CACNB2: variants seen among roughly 807,000 people sequenced by gnomAD.
CACNB2 encodes the protein calcium voltage-gated channel auxiliary subunit beta 2.
A neutral mutation model predicts 73.3 loss-of-function variants in CACNB2; 42 were observed. That is an observed-to-expected ratio of 0.57 (90% CI 0.45 to 0.74). The LOEUF (loss-of-function observed/expected upper bound fraction) is 0.74, where lower values mean the gene tolerates loss of function less well. Among genes scored for constraint, CACNB2 ranks in the 30% least tolerant of loss-of-function variants. The probability of loss-of-function intolerance (pLI) is 0.00; values close to 1 mark genes in which losing one functional copy is unlikely to be tolerated. For synonymous variants in CACNB2, 348 were observed against 310.3 expected (o/e 1.12, Z -1.28); for missense variants, 940 against 853.0 (o/e 1.10, Z -1.27).
chr10:18,254,491 A>C (rs1316117358), intron 2 of CACNB2, among the ~76,000 whole-genome samples: 1 of 152,130 alleles, frequency 6.6e-6, no homozygotes, highest in Non-Finnish European at 1.5e-5. Flanking sequence ...AAATAAACAA[A>C]TGTTGCCACT....
chr10:18,488,161 C>T (rs759165541), intron 3 of CACNB2, among the ~76,000 whole-genome samples: 3 of 151,374 alleles, frequency 2.0e-5, no homozygotes, highest in East Asian at 2.0e-4. Context: ...AAGAGAGAAA[C>T]GGAAGATCTA....
intron 2 of CACNB2, among the ~76,000 whole-genome samples, chr10:18,379,664 C>T (rs1200206930): frequency 6.6e-6 from 1 of 152,162 alleles, no homozygotes; most frequent in Non-Finnish European, 1.5e-5. Flanking sequence ...TCTCACCACT[C>T]CCCAGCCCCA....
chr10:18,321,712 T>G (rs1158227291), intron 2 of CACNB2, among the ~76,000 whole-genome samples: 1 of 152,218 alleles, frequency 6.6e-6, no homozygotes, highest in Non-Finnish European at 1.5e-5. Flanking sequence ...GCAGTTGGTG[T>G]TTGGTATTTT....
chr10:18,200,694 T>C (rs556672674), intron 2 of CACNB2, among the ~76,000 whole-genome samples: 13 of 152,166 alleles, frequency 8.5e-5, no homozygotes, highest in Non-Finnish European at 1.6e-4. Context: ...TTAGTCTTCT[T>C]ATACCAGATT....
chr10:18,276,914 C>T (rs934394285), intron 2 of CACNB2, among the ~76,000 whole-genome samples: 2 of 152,056 alleles, frequency 1.3e-5, no homozygotes, highest in African/African-American at 4.8e-5. Context: ...GAGTTCAAGA[C>T]CAGACAGGGC....
chr10:18,221,349 T>A (rs1376335798), intron 2 of CACNB2, among the ~76,000 whole-genome samples: 1 of 152,156 alleles, frequency 6.6e-6, no homozygotes, highest in Non-Finnish European at 1.5e-5. Flanking sequence ...CCTATTACTG[T>A]TCTTTCAGAA....
chr10:18,522,318 G>C (rs1328324642), intron 9 of CACNB2, among the ~76,000 whole-genome samples: 1 of 151,990 alleles, frequency 6.6e-6, no homozygotes, highest in Non-Finnish European at 1.5e-5. Context: ...TAATGTGCCT[G>C]AATCATCTCA....
At chr10:18,266,372 T>G (rs2037801811) in intron 2 of CACNB2, among the ~76,000 whole-genome samples, 1 of 152,346 alleles carries the variant, frequency 6.6e-6, no homozygotes, top group Admixed American at 6.5e-5. Context: ...CTTTCCAAGT[T>G]TAAATAATGG....
intron 7 of CACNB2, among the ~76,000 whole-genome samples, chr10:18,518,092 G>GA (rs1386247174): frequency 6.6e-6 from 1 of 152,124 alleles, no homozygotes; most frequent in Admixed American, 6.6e-5. Context: ...CTTTAGGAAC[G>GA]AATAGGTCTG....
rs4601660 is a variant in CACNB2 at position 18,371,789 on chromosome 10, T to G, written c.214-30135T>G. On this transcript the variant is annotated intron_variant, in intron 2 of 13. Coordinates refer to ENST00000324631, the MANE Select transcript of CACNB2 (RefSeq NM_201596.3). ...TGAGGAATCACCACGCTGACTTCCA[T>G]AATGGTTGAACTAGTTTACAGTCCC... Among the ~76,000 whole-genome samples, 581 of 152,316 alleles carry G rather than the reference T, an allele frequency of 3.8e-3. 1 individual carries two copies. The highest frequency in any genetic ancestry group is 0.013 in the African/African-American group (557 of 41,566).
At chr10:18,360,621 A>G (rs1402463530) in intron 2 of CACNB2, among the ~76,000 whole-genome samples, 2 of 152,194 alleles carry the variant, frequency 1.3e-5, no homozygotes, top group South Asian at 2.1e-4. Context: ...TTTATTTCAC[A>G]GAGAAGAAAA....
chr10:18,524,472 A>G (rs1389746122), intron 9 of CACNB2, among the ~76,000 whole-genome samples: 1 of 151,582 alleles, frequency 6.6e-6, no homozygotes, highest in African/African-American at 2.4e-5. Context: ...CCTGGCCAAC[A>G]TGGTGATACC....
At chr10:18,419,225 T>G (rs2045182249) in intron 3 of CACNB2, among the ~76,000 whole-genome samples, 1 of 152,224 alleles carries the variant, frequency 6.6e-6, no homozygotes. Context: ...TGAGTTTAAG[T>G]AGCCTGAGGA....
At chr10:18,259,570 A>AAAAAAAAAAAAAAAAGAAAAC (rs1554779378) in intron 2 of CACNB2, among the ~76,000 whole-genome samples, 6 of 116,988 alleles carry the variant, frequency 5.1e-5, no homozygotes, top group African/African-American at 1.0e-4. Context: ...CAAACAAAAA[A>AAAAAAAAAAAAAAAAGAAAAC]AAAAAGTAAA....
At chr10:18,168,867 G>A (rs140366516) in intron 2 of CACNB2, among the ~76,000 whole-genome samples, 2 of 152,250 alleles carry the variant, frequency 1.3e-5, no homozygotes, top group East Asian at 3.9e-4. Context: ...CTTGACATAG[G>A]CCAATGATGT....
At chr10:18,302,661 A>T (rs1460115131) in intron 2 of CACNB2, among the ~76,000 whole-genome samples, 1 of 152,206 alleles carries the variant, frequency 6.6e-6, no homozygotes, top group South Asian at 2.1e-4. Flanking sequence ...ATGAGGATGC[A>T]AAGGCATAAG....
At chr10:18,233,063 T>C (rs113456716) in intron 2 of CACNB2, among the ~76,000 whole-genome samples, 2 of 152,292 alleles carry the variant, frequency 1.3e-5, no homozygotes, top group African/African-American at 4.8e-5. Flanking sequence ...CCAGCCTGGG[T>C]GACAGGGCAA....
intron 2 of CACNB2, among the ~76,000 whole-genome samples, chr10:18,199,740 G>C (rs551201623): frequency 1.3e-5 from 2 of 152,236 alleles, no homozygotes; most frequent in African/African-American, 2.4e-5. Context: ...TTTGTCTTCT[G>C]TATGGAGAAG....
intron 3 of CACNB2, among the ~76,000 whole-genome samples, chr10:18,477,162 G>A (rs777494908): frequency 1.2e-4 from 18 of 152,112 alleles, no homozygotes; most frequent in Non-Finnish European, 2.2e-4. Flanking sequence ...GGAAGTCAGC[G>A]TGAATCAGCC....
Sources: gnomAD v4.1 joint callset for allele counts (sites outside exome capture counted in the v4.1 genomes callset) on GRCh38, gnomAD v4.1.1 for gene constraint, MANE v1.5 for transcripts, NCBI Gene and HGNC (gene_info 2026-07-23, HGNC 2026-07-21) for gene names.